The following WASF3 variants were observed in gnomAD, a reference collection of about 807,000 sequenced individuals.
WASF3 encodes the protein WASP family member 3.
In WASF3, 11 loss-of-function variants were observed where a neutral mutation model predicts 46.6. The ratio of observed to expected loss-of-function variants is 0.24; its 90% CI spans 0.15 to 0.39. The LOEUF is 0.39. WASF3 is among the 10% of genes least tolerant of loss of function. The probability of loss-of-function intolerance (pLI) is 1.00; values close to 1 mark genes in which losing one functional copy is unlikely to be tolerated. For synonymous variants in WASF3, 242 were observed against 259.7 expected (o/e 0.93, Z 0.65); for missense variants, 576 against 669.8 (o/e 0.86, Z 1.55).
chr13:26,679,350 A>G lies in WASF3; in HGVS notation c.717-1704A>G, dbSNP rs1260071695. Among the ~76,000 whole-genome samples the G allele has an allele frequency of 2.6e-5, 4 of 152,016 alleles. No individual in the cohort carries two copies. In the East Asian group the frequency reaches 7.7e-4, roughly 29 times the overall value. Reference sequence around the variant, plus strand: ...TCTTCCCCCAGCCCCCGTCCTCCTGATGGGCACCCTTCATCAGGGTTCTGC... The same window carrying G: ...TCTTCCCCCAGCCCCCGTCCTCCTGGTGGGCACCCTTCATCAGGGTTCTGC... On this transcript the variant is annotated intron_variant, in intron 7 of 9. Transcript: ENST00000335327. This position sits in a 1 kb window ranked among gnomAD's most constrained non-coding sequence, Gnocchi z 4.8.
At chr13:26,595,373 T>G (rs1300915130) in intron 1 of WASF3, among the ~76,000 whole-genome samples, 3 of 152,180 alleles carry the variant, frequency 2.0e-5, no homozygotes, top group African/African-American at 7.2e-5. Context: ...TCACAGAACA[T>G]GGCAAAAAAG....
intron 2 of WASF3, among the ~76,000 whole-genome samples, chr13:26,633,061 C>T (rs1881701390): frequency 6.6e-6 from 1 of 152,012 alleles, no homozygotes; most frequent in Admixed American, 6.6e-5. Context: ...ATTCTTTTCT[C>T]TTTTCTTCTT....
chr13:26,681,500 A>G (rs1477297246), intron 8 of WASF3, among the ~76,000 whole-genome samples, 180 bp downstream of exon 8: 1 of 152,240 alleles, frequency 6.6e-6, no homozygotes, highest in East Asian at 1.9e-4. Flanking sequence ...GCATAAGCTC[A>G]GACTTACAGT....
At chr13:26,619,559 C>T (rs1881242005) in intron 2 of WASF3, 1 of 152,068 alleles carries the variant, frequency 6.6e-6, no homozygotes, top group South Asian at 2.1e-4. Context: ...CAGTGGTTAA[C>T]CAAAGGTTAG....
At chr13:26,607,934 C>G (rs1361107410) in intron 1 of WASF3, among the ~76,000 whole-genome samples, 1 of 152,194 alleles carries the variant, frequency 6.6e-6, no homozygotes, top group Non-Finnish European at 1.5e-5. Context: ...CCGTACCCAG[C>G]TGAGTTCAGT....
chr13:26,574,489 A>G (rs1337526920), intron 1 of WASF3, among the ~76,000 whole-genome samples: 1 of 151,226 alleles, frequency 6.6e-6, no homozygotes, highest in Non-Finnish European at 1.5e-5. Flanking sequence ...GATTATTTTT[A>G]TTCACCTGGT....
intron 1 of WASF3, among the ~76,000 whole-genome samples, chr13:26,583,209 A>G (rs1880035208): frequency 6.6e-6 from 1 of 152,194 alleles, no homozygotes; most frequent in African/African-American, 2.4e-5. Flanking sequence ...GATGTATACA[A>G]CACCATAAGG....
At chr13:26,635,461 A>G (rs1881789441) in intron 2 of WASF3, among the ~76,000 whole-genome samples, 1 of 152,076 alleles carries the variant, frequency 6.6e-6, no homozygotes. Context: ...GAAGTTTGTT[A>G]TTACTGACCT....
intron 1 of WASF3, among the ~76,000 whole-genome samples, chr13:26,612,378 A>G (rs1336053435): frequency 6.6e-6 from 1 of 152,218 alleles, no homozygotes; most frequent in African/African-American, 2.4e-5. Context: ...GGTATACAAC[A>G]TTGATCAGTT....
chr13:26,591,749 T>C (rs144102085), intron 1 of WASF3, among the ~76,000 whole-genome samples: 66 of 152,196 alleles, frequency 4.3e-4, no homozygotes, highest in African/African-American at 1.5e-3. Context: ...TGTCAGGATA[T>C]ATGTGGCATT....
In WASF3 at chr13:26,660,562, G is replaced by T. The variant is rs1011000187; in HGVS notation, c.134-4466G>T. The stretch of plus-strand genomic sequence containing the variant: ...GGTTGGGCAGAATGGGGAAAGGGGC[G>T]AGGACAGAGCAGCATGGGGTACTCT... On this transcript the variant is annotated intron_variant, in intron 3 of 9. Transcript: ENST00000335327. Among the ~76,000 whole-genome samples, 3 of 151,988 alleles carry T rather than the reference G, an allele frequency of 2.0e-5. No homozygotes were observed. In the East Asian group the frequency reaches 5.8e-4, roughly 29 times the overall value.
chr13:26,577,745 A>T, intron 1 of WASF3: 1 of 688,396 alleles, frequency 1.5e-6, no homozygotes, highest in Non-Finnish European at 2.5e-6. Context: ...CAAAACCAGG[A>T]AATTGACATT....
chr13:26,578,186 A>T (rs1032311963), intron 1 of WASF3, among the ~76,000 whole-genome samples: 1 of 152,174 alleles, frequency 6.6e-6, no homozygotes, highest in Non-Finnish European at 1.5e-5. Flanking sequence ...TAGAAATTAT[A>T]AGATTAGATA....
At chr13:26,629,597 T>C (rs1441560836) in intron 2 of WASF3, among the ~76,000 whole-genome samples, 1 of 152,042 alleles carries the variant, frequency 6.6e-6, no homozygotes, top group African/African-American at 2.4e-5. Flanking sequence ...CCTTCCTCCT[T>C]CCCCTGGATG....
At chr13:26,674,452 T>C (rs983396117) in intron 6 of WASF3, among the ~76,000 whole-genome samples, 3 of 152,200 alleles carry the variant, frequency 2.0e-5, no homozygotes, top group African/African-American at 7.2e-5. Context: ...ATGCTGGTTG[T>C]AAAATACTCA....
At chr13:26,596,733 G>C (rs1880475140) in intron 1 of WASF3, among the ~76,000 whole-genome samples, 1 of 152,080 alleles carries the variant, frequency 6.6e-6, no homozygotes, top group Admixed American at 6.5e-5. Flanking sequence ...CTTTTATCCG[G>C]TTCTCTCCTT....
intron 1 of WASF3, among the ~76,000 whole-genome samples, chr13:26,603,037 TGAAGAG>T (rs1199269066): frequency 9.8e-5 from 15 of 152,298 alleles, no homozygotes; most frequent in African/African-American, 3.6e-4. Context: ...AGTCTGAGCT[TGAAGAG>T]GAAGGCGATA....
At chr13:26,662,028 A>C (rs1269044928) in intron 3 of WASF3, among the ~76,000 whole-genome samples, 5 of 152,150 alleles carry the variant, frequency 3.3e-5, no homozygotes, top group African/African-American at 9.7e-5. Flanking sequence ...AGAAGCACAG[A>C]GTGTGAGGAA....
chr13:26,617,869 C>T (rs1366921801), intron 2 of WASF3, among the ~76,000 whole-genome samples: 5 of 152,096 alleles, frequency 3.3e-5, no homozygotes, highest in Admixed American at 3.3e-4. Context: ...AGTGAATTCT[C>T]ATGAGATCTG....
Sources: gnomAD v4.1 joint callset for allele counts (sites outside exome capture counted in the v4.1 genomes callset) on GRCh38, gnomAD v4.1.1 for gene constraint, Gnocchi (gnomAD v3.1) non-coding constraint, MANE v1.5 for transcripts, NCBI Gene and HGNC (gene_info 2026-07-23, HGNC 2026-07-21) for gene names.